CSMD2: variants seen among roughly 807,000 people sequenced by gnomAD.
CSMD2 encodes CUB and sushi domain-containing protein 2.
CSMD2 carries 130 observed loss-of-function variants against 398.5 expected under a neutral mutation model. The ratio of observed to expected loss-of-function variants is 0.33; its 90% CI spans 0.28 to 0.38. The LOEUF (loss-of-function observed/expected upper bound fraction) is 0.38, where lower values mean the gene tolerates loss of function less well. Among genes scored for constraint, CSMD2 ranks in the 10% least tolerant of loss-of-function variants. The pLI is 1.00. For missense variants in CSMD2, 3,829 were observed against 4,764.9 expected (o/e 0.80, Z 5.78); for synonymous variants, 1,828 against 1,908.5 (o/e 0.96, Z 1.10).
intron 53 of CSMD2, among the ~76,000 whole-genome samples, chr1:33,561,508 C>T (rs1200376890): frequency 6.6e-6 from 1 of 152,126 alleles, no homozygotes; most frequent in Non-Finnish European, 1.5e-5. Flanking sequence ...CTACTGAGTG[C>T]CTTTTATGAG....
intron 25 of CSMD2, among the ~76,000 whole-genome samples, chr1:33,674,029 G>T (rs552757185): frequency 1.3e-5 from 2 of 152,150 alleles, no homozygotes; most frequent in Non-Finnish European, 2.9e-5. Context: ...AGACCATCAA[G>T]GCTAGGAAGA....
At chr1:34,033,749 T>C (rs1007500608) in intron 2 of CSMD2, among the ~76,000 whole-genome samples, 1 of 152,212 alleles carries the variant, frequency 6.6e-6, no homozygotes, top group Non-Finnish European at 1.5e-5. Context: ...TGGGTGCCGC[T>C]GTATACCTCC....
intron 44 of CSMD2, among the ~76,000 whole-genome samples, chr1:33,597,691 A>G (rs989533861): frequency 2.6e-4 from 40 of 152,246 alleles, no homozygotes; most frequent in African/African-American, 9.2e-4. Context: ...AGATAAATTG[A>G]GCATTACCTA....
chr1:33,553,652 G>A (rs1471157524), intron 55 of CSMD2, among the ~76,000 whole-genome samples: 2 of 152,186 alleles, frequency 1.3e-5, no homozygotes, highest in Non-Finnish European at 2.9e-5. Flanking sequence ...CAGCCCTAAA[G>A]CTAAGCCTCT....
chr1:33,908,262 A>AGAG (rs1222101945), intron 5 of CSMD2, among the ~76,000 whole-genome samples: 1 of 152,164 alleles, frequency 6.6e-6, no homozygotes, highest in Non-Finnish European at 1.5e-5. Flanking sequence ...ACAAACATTC[A>AGAG]TGGCCAAACA....
At chr1:33,979,991 T>C (rs1646109986) in intron 3 of CSMD2, among the ~76,000 whole-genome samples, 1 of 152,204 alleles carries the variant, frequency 6.6e-6, no homozygotes, top group African/African-American at 2.4e-5. Context: ...GTGCCCGCTT[T>C]AGAGATCTGA....
intron 4 of CSMD2, among the ~76,000 whole-genome samples, chr1:33,919,426 GTTTAGCAGCTCTGAACTAT>G (rs2125286404): frequency 1.3e-5 from 2 of 152,292 alleles, no homozygotes; most frequent in East Asian, 3.9e-4. Flanking sequence ...AAGTGATCTT[GTTTAGCAGCTCTGAACTAT>G]TCTTACTAAT....
intron 5 of CSMD2, among the ~76,000 whole-genome samples, chr1:33,891,831 T>C (rs571127196): frequency 8.0e-5 from 11 of 137,614 alleles, no homozygotes; most frequent in Non-Finnish European, 1.2e-4. Context: ...TTCTCACTCA[T>C]AGGTGGAAAT....
At chr1:34,158,607 G>A (rs767744227) in intron 1 of CSMD2, among the ~76,000 whole-genome samples, 14 of 152,248 alleles carry the variant, frequency 9.2e-5, no homozygotes, top group Middle Eastern at 6.3e-3. Flanking sequence ...GAGTGGCAGA[G>A]TGTATGAATT....
At chr1:33,870,426 T>C (rs1640376421) in intron 5 of CSMD2, 1 of 152,096 alleles carries the variant, frequency 6.6e-6, no homozygotes, top group African/African-American at 2.4e-5. Flanking sequence ...ACCCTTCAGG[T>C]TGGCCCTGAC....
At chr1:33,710,655 T>C (rs1054639426) in intron 21 of CSMD2, among the ~76,000 whole-genome samples, 5 of 152,206 alleles carry the variant, frequency 3.3e-5, no homozygotes, top group African/African-American at 1.2e-4. Context: ...AGAAAAGCCC[T>C]GGGGTTGACC....
At chr1:33,630,065 T>TCTTCCTTC (rs562242200) in intron 32 of CSMD2, among the ~76,000 whole-genome samples, 177 of 151,150 alleles carry the variant, frequency 1.2e-3, no homozygotes, top group African/African-American at 4.1e-3. Context: ...TCCCCCATCT[T>TCTTCCTTC]CTTCCTTCCT....
chr1:33,613,057 G>C (rs1044680790), intron 40 of CSMD2, among the ~76,000 whole-genome samples: 1 of 152,190 alleles, frequency 6.6e-6, no homozygotes, highest in African/African-American at 2.4e-5. Context: ...ACTGGACTGT[G>C]ACCGCCATCT....
In CSMD2 at chr1:33,546,237, A is replaced by G; in HGVS notation, c.8918-18T>C. ...GCTGGTTCCTATGGACCAGAACCAC[A>G]CAAATCCCATTATTTTTCAGGGAAG... is the stretch of plus-strand genomic sequence containing the variant. On this transcript the variant is annotated intron_variant, in intron 56 of 70. Transcript: ENST00000373381. 6.3e-7 allele frequency: 1 copy of G among 1,597,742 alleles called. No homozygotes were observed.
Position 33,568,328 on chromosome 1 carries a change from C to T in CSMD2, c.8132-487G>A, listed in dbSNP as rs367921130. Among the ~76,000 whole-genome samples the T allele has an allele frequency of 2.6e-5, 4 of 152,214 alleles. No homozygotes were observed. In the East Asian group the frequency reaches 5.8e-4, roughly 22 times the overall value. ...TTAGCCTCCCAAGTAGCTGGGACTA[C>T]AGGCATCCACCACCATACCCAGCTA... On this transcript the variant is annotated intron_variant, in intron 52 of 70. Coordinates refer to ENST00000373381, the MANE Select transcript of CSMD2 (RefSeq NM_001281956.2).
At chr1:33,817,716 C>T (rs1657633935) in intron 9 of CSMD2, among the ~76,000 whole-genome samples, 1 of 152,218 alleles carries the variant, frequency 6.6e-6, no homozygotes. Flanking sequence ...TCATCTAGTC[C>T]TCAAAGTAAC....
rs1003677597 is a variant in CSMD2 at position 33,633,815 on chromosome 1, G to C, written c.5087-280C>G. ...AGGTCAGGCGGGTAGAGGCGAAATGGAGCCAACTTTGTTCCTTTCCCAGAT... is the reference window on the plus strand; with the variant it reads ...AGGTCAGGCGGGTAGAGGCGAAATGCAGCCAACTTTGTTCCTTTCCCAGAT... On this transcript the variant is annotated intron_variant, in intron 31 of 70. Transcript: ENST00000373381. This position sits in a 1 kb window ranked among gnomAD's most constrained non-coding sequence, Gnocchi z 5.0. 4.6e-5 allele frequency among the ~76,000 whole-genome samples: 7 copies of C among 152,210 alleles called. No homozygotes were observed. The highest frequency in any genetic ancestry group is 3.9e-4 in the Admixed American group (6 of 15,288).
intron 2 of CSMD2, among the ~76,000 whole-genome samples, chr1:34,074,700 G>T (rs985235647): frequency 7.2e-5 from 11 of 151,972 alleles, no homozygotes; most frequent in Non-Finnish European, 1.5e-4. Flanking sequence ...ACAGCCTTGT[G>T]GGGTAGATGG....
chr1:33,737,458 GA>G (rs1444552184), intron 15 of CSMD2, among the ~76,000 whole-genome samples: 5 of 152,168 alleles, frequency 3.3e-5, no homozygotes, highest in African/African-American at 1.2e-4. Context: ...AACACTTATT[GA>G]GTGTTACCTC....
Sources: gnomAD v4.1 joint callset for allele counts (sites outside exome capture counted in the v4.1 genomes callset) on GRCh38, gnomAD v4.1.1 for gene constraint, Gnocchi (gnomAD v3.1) non-coding constraint, MANE v1.5 for transcripts, NCBI Gene and HGNC (gene_info 2026-07-23, HGNC 2026-07-21) for gene names.